DENND2B: variants seen among roughly 807,000 people sequenced by gnomAD.
The protein encoded by DENND2B is DENN domain-containing protein 2B.
DENND2B carries 32 observed loss-of-function variants against 116.0 expected under a neutral mutation model. The ratio of observed to expected loss-of-function variants is 0.28; its 90% confidence interval spans 0.21 to 0.37. DENND2B has a LOEUF of 0.37. Ranked by LOEUF, DENND2B falls within the 10% of genes least tolerant of loss-of-function variation. The pLI is 1.00. For synonymous variants in DENND2B, 588 were observed against 583.9 expected, an observed-to-expected ratio of 1.01 and a Z score of -0.10; for missense variants, 1,276 against 1,477.7, an observed-to-expected ratio of 0.86 and a Z score of 2.24.
chr11:8,693,459 G>C lies in DENND2B; in HGVS notation c.*637C>G, dbSNP rs1447328220. ...CCACTGACTGGGAGCCAGGCCCAGAGAGCACTGGCAGAGCTGGGGGTGGGC... is the reference window on the plus strand; with the variant it reads ...CCACTGACTGGGAGCCAGGCCCAGACAGCACTGGCAGAGCTGGGGGTGGGC... On this transcript the variant is annotated 3_prime_UTR_variant, in exon 20 of 20. Transcript: ENST00000313726. 6.5e-6 allele frequency: 1 copy of C among 152,848 alleles called. No individual in the cohort carries two copies. Among genetic ancestry groups the C allele is most frequent in the Non-Finnish European group, 1.5e-5 (1 of 68,236 alleles). The allele number at this position is 152,848 out of a possible 1,614,324, so 9.5% of individuals were successfully genotyped here. A position where few individuals can be genotyped will look rare whatever the true frequency, so the allele number is the denominator to read the frequency against.
Position 8,731,107 on chromosome 11 carries a change from G to C in DENND2B, c.183C>G (p.Ser61=). ...ETSACRYPSH[S]SSRVLLKDRH... Reference sequence around the variant, plus strand: ...GGTCCTTGAGGAGCACCCGGGAGCTGGAGTGGCTGGGGTACCTGCAGGCTG... The same window carrying C: ...GGTCCTTGAGGAGCACCCGGGAGCTCGAGTGGCTGGGGTACCTGCAGGCTG... The change falls in exon 3 of 20, where the codon TCC becomes TCG. Residue 61 remains serine, a synonymous_variant. Coordinates refer to ENST00000313726, the MANE Select transcript of DENND2B (RefSeq NM_213618.2). 1 of 1,605,654 alleles carries C rather than the reference G, an allele frequency of 6.2e-7. No homozygotes were observed. Among genetic ancestry groups the C allele is most frequent in the South Asian group, 1.1e-5 (1 of 89,840 alleles).
At chr11:8,850,805 A>G (rs1418548891) in intron 3 of DENND2B, among the ~76,000 whole-genome samples, 1 of 152,238 alleles carries the variant, frequency 6.6e-6, no homozygotes, top group Non-Finnish European at 1.5e-5. Flanking sequence ...TAAAAAAAGA[A>G]AATGTGGTTT....
At chr11:8,883,187 T>G (rs1406631607) in intron 1 of DENND2B, among the ~76,000 whole-genome samples, 4 of 152,130 alleles carry the variant, frequency 2.6e-5, no homozygotes, top group African/African-American at 9.7e-5. Flanking sequence ...TTGTTTTCAT[T>G]TGGGATAACT....
At chr11:8,725,925 T>C in intron 4 of DENND2B, 148 bp downstream of exon 4, 1 of 1,146,394 alleles carries the variant, frequency 8.7e-7, no homozygotes, top group South Asian at 1.5e-5. Flanking sequence ...GCTAAGGTGC[T>C]TCCCCTGATG....
chr11:8,747,042 GATGACCC>G (rs1457411126), intron 2 of DENND2B, among the ~76,000 whole-genome samples: 2 of 151,974 alleles, frequency 1.3e-5, no homozygotes, highest in African/African-American at 4.8e-5. Context: ...CCAAAGCTAA[GATGACCC>G]ATTAGGAAGG....
intron 1 of DENND2B, among the ~76,000 whole-genome samples, chr11:8,779,726 C>G (rs932198535): frequency 6.6e-6 from 1 of 152,086 alleles, no homozygotes; most frequent in Non-Finnish European, 1.5e-5. Context: ...GTTGGTCAGG[C>G]TGGTCTCGAA....
At chr11:8,806,449 C>T (rs372648833) in intron 1 of DENND2B, among the ~76,000 whole-genome samples, 23 of 152,210 alleles carry the variant, frequency 1.5e-4, no homozygotes, top group East Asian at 9.6e-4. Flanking sequence ...AACATTCAGG[C>T]AGTTTTAGAT....
intron 4 of DENND2B, among the ~76,000 whole-genome samples, chr11:8,815,771 T>G (rs1488958600): frequency 6.6e-6 from 1 of 152,222 alleles, no homozygotes; most frequent in Non-Finnish European, 1.5e-5. Context: ...CCCACAGACC[T>G]GAGCTCCTCG....
chr11:8,755,792 A>G (rs1393598894), intron 1 of DENND2B, among the ~76,000 whole-genome samples: 1 of 152,098 alleles, frequency 6.6e-6, no homozygotes, highest in East Asian at 1.9e-4. Context: ...TTGGCCCTAT[A>G]AATTTAAGTC....
chr11:8,719,205 G>A (rs535995245), intron 4 of DENND2B: 150 of 985,348 alleles, frequency 1.5e-4, no homozygotes, highest in South Asian at 1.9e-4. Context: ...GAGAGGACAC[G>A]GGAGAAGAGC....
chr11:8,744,132 G>GTTTTTT (rs376495586), intron 2 of DENND2B, among the ~76,000 whole-genome samples: 1 of 136,902 alleles, frequency 7.3e-6, no homozygotes, highest in Non-Finnish European at 1.6e-5. Context: ...AACCCATGAA[G>GTTTTTT]TTTTTTTTTT....
intron 1 of DENND2B, among the ~76,000 whole-genome samples, chr11:8,897,954 T>A (rs1038011107): frequency 3.3e-5 from 5 of 152,094 alleles, no homozygotes; most frequent in African/African-American, 1.2e-4. Flanking sequence ...AAAAATTTCT[T>A]GCGAAGACAG....
At chr11:8,830,815 T>C (rs1275173780) in intron 4 of DENND2B, 2 of 152,220 alleles carry the variant, frequency 1.3e-5, no homozygotes, top group Non-Finnish European at 1.5e-5. Context: ...GACAGCTCTA[T>C]TTAGCTCCAT....
Position 8,712,462 on chromosome 11 carries a change from C to G in DENND2B, c.2172+89G>C, listed in dbSNP as rs2043934651. 1.4e-6 allele frequency: 2 copies of G among 1,402,566 alleles called. No individual in the cohort carries two copies. The highest frequency in any genetic ancestry group is 1.9e-6 in the Non-Finnish European group (2 of 1,041,996). 86.9% of individuals were successfully genotyped at this position (1,402,566 alleles called of 1,614,324 possible). On this transcript the variant is annotated intron_variant, in intron 9 of 19. Transcript: ENST00000313726. The surrounding 1 kb of genome is among the most constrained non-coding windows in gnomAD (Gnocchi z 4.4). ...CAGCTCGGTGAGGACGTATGACGAA[C>G]AAGATCTCTCTCCTTCCCCAGATAG... is the stretch of plus-strand genomic sequence containing the variant.
chr11:8,790,630 A>G (rs2059300449), intron 1 of DENND2B, among the ~76,000 whole-genome samples: 1 of 152,152 alleles, frequency 6.6e-6, no homozygotes, highest in Admixed American at 6.5e-5. Flanking sequence ...TTAGCCAAGC[A>G]TGGTGGTTCG....
chr11:8,851,473 T>C lies in DENND2B; in HGVS notation c.-156+5870A>G, dbSNP rs922597769. ...ATTTTTATCTTATCAGATTTGCAAA[T>C]ACCGATTATCTTCATTCTTTTTAGT... On this transcript the variant is annotated intron_variant, in intron 3 of 6. Coordinates refer to the DENND2B transcript ENST00000524757. 2.0e-5 allele frequency among the ~76,000 whole-genome samples: 3 copies of C among 152,310 alleles called. No individual in the cohort carries two copies. The South Asian group carries it at 6.2e-4, about 32-fold the overall frequency.
At chr11:8,861,738 A>G (rs2063398591) in intron 2 of DENND2B, among the ~76,000 whole-genome samples, 1 of 152,328 alleles carries the variant, frequency 6.6e-6, no homozygotes, top group African/African-American at 2.4e-5. Flanking sequence ...AAATATGTTT[A>G]TCGCAGCACA....
chr11:8,878,389 A>C (rs79357226), intron 2 of DENND2B, among the ~76,000 whole-genome samples: 1 of 151,862 alleles, frequency 6.6e-6, no homozygotes, highest in South Asian at 2.1e-4. Context: ...CAATTGAATG[A>C]ATTTTTTTTT....
intron 1 of DENND2B, among the ~76,000 whole-genome samples, chr11:8,804,320 C>G (rs1284828745): frequency 6.6e-6 from 1 of 152,102 alleles, no homozygotes; most frequent in Non-Finnish European, 1.5e-5. Flanking sequence ...TCCATGGCTC[C>G]CTGTGCCCTT....
Sources: gnomAD v4.1 joint callset for allele counts (sites outside exome capture counted in the v4.1 genomes callset) on GRCh38, gnomAD v4.1.1 for gene constraint, Gnocchi (gnomAD v3.1) non-coding constraint, MANE v1.5 for transcripts, NCBI Gene and HGNC (gene_info 2026-07-23, HGNC 2026-07-21) for gene names.